Variants in CSMD3 observed in about 807,000 individuals in gnomAD.
CSMD3 encodes the protein CUB and Sushi multiple domains 3.
CSMD3 carries 177 observed loss-of-function variants against 435.2 expected under a neutral mutation model. The observed-to-expected ratio is 0.41, with a 90% confidence interval of 0.36 to 0.46. The LOEUF (loss-of-function observed/expected upper bound fraction) is 0.46, where lower values mean the gene tolerates loss of function less well. Among genes scored for constraint, CSMD3 ranks in the 20% least tolerant of loss-of-function variants. CSMD3 has a pLI of 0.34. For synonymous variants in CSMD3, 1,656 were observed against 1,520.5 expected, an observed-to-expected ratio of 1.09 and a Z score of -2.07; for missense variants, 4,265 against 4,504.6, an observed-to-expected ratio of 0.95 and a Z score of 1.52.
At chr8:112,440,121 C>G (rs896157156) in intron 32 of CSMD3, among the ~76,000 whole-genome samples, 3 of 152,152 alleles carry the variant, frequency 2.0e-5, no homozygotes, top group African/African-American at 7.2e-5. Context: ...CCTGTAAAAT[C>G]AAAAGCAAAT....
chr8:113,185,966 C>G (rs1326290052), intron 3 of CSMD3, among the ~76,000 whole-genome samples: 1 of 152,006 alleles, frequency 6.6e-6, no homozygotes, highest in African/African-American at 2.4e-5. Flanking sequence ...TGTCAGCACC[C>G]TCTGTCTCTC....
At chr8:112,949,863 C>G (rs1253838181) in intron 8 of CSMD3, among the ~76,000 whole-genome samples, 2 of 151,972 alleles carry the variant, frequency 1.3e-5, no homozygotes, top group Non-Finnish European at 2.9e-5. Context: ...CATACTGACT[C>G]CACACATTTG....
At chr8:112,915,458 A>G (rs566164782) in intron 10 of CSMD3, among the ~76,000 whole-genome samples, 8 of 151,988 alleles carry the variant, frequency 5.3e-5, no homozygotes, top group African/African-American at 1.7e-4. Context: ...TTACTAATAC[A>G]TTTTAAGAAT....
chr8:112,467,777 G>A (rs1202763876), intron 32 of CSMD3, among the ~76,000 whole-genome samples: 1 of 152,076 alleles, frequency 6.6e-6, no homozygotes, highest in Non-Finnish European at 1.5e-5. Flanking sequence ...TGAAGATGAC[G>A]TCAGAGATTG....
chr8:112,729,469 G>A (rs552141707), intron 13 of CSMD3, among the ~76,000 whole-genome samples: 14 of 152,164 alleles, frequency 9.2e-5, no homozygotes, highest in Admixed American at 4.6e-4. Flanking sequence ...AAATAATAGC[G>A]TTAAAAAGTG....
intron 32 of CSMD3, among the ~76,000 whole-genome samples, chr8:112,411,403 T>TATAA (rs1811334303): frequency 6.6e-6 from 1 of 151,904 alleles, no homozygotes; most frequent in African/African-American, 2.4e-5. Flanking sequence ...CTTGCCTTAT[T>TATAA]AAGCAATGAG....
At chr8:112,298,033 T>C (rs1291521595) in intron 53 of CSMD3, among the ~76,000 whole-genome samples, 2 of 138,306 alleles carry the variant, frequency 1.4e-5, no homozygotes, top group Non-Finnish European at 3.1e-5. Flanking sequence ...AATAGCACAT[T>C]CTATGCTAAA....
intron 11 of CSMD3, among the ~76,000 whole-genome samples, chr8:112,847,583 T>A (rs975208043): frequency 6.6e-6 from 1 of 152,158 alleles, no homozygotes; most frequent in African/African-American, 2.4e-5. Context: ...TAATTCCTTC[T>A]CTTGGGCCTG....
Position 112,337,656 on chromosome 8 carries a change from C to T in CSMD3, c.6728G>A (p.Gly2243Asp), listed in dbSNP as rs138226564. ...GFVIGNDFTV[G>D]QTISFECFPG... is the part of the protein sequence containing the mutation. ...GAAACATTCAAATGAAATGGTTTGA[C>T]CCACAGTAAAATCATTACCAATTAC... Residue 2243 changes from glycine to aspartate, a missense_variant, in exon 43 of 71, where the codon GGT (glycine) becomes GAT (aspartate). This residue lies in a region of CSMD3 where 3,255 missense variants were observed against 3,380.2 expected (regional missense o/e 0.96). Transcript: ENST00000297405. 740 of 1,613,518 alleles carry T rather than the reference C, an allele frequency of 4.6e-4. 8 individuals carry two copies. In the East Asian group the frequency reaches 0.014, roughly 31 times the overall value.
At chr8:112,921,838 T>A (rs2082753684) in intron 9 of CSMD3, 87 bp from the exon 10 acceptor site, 1 of 1,003,820 alleles carries the variant, frequency 1.0e-6, no homozygotes, top group Admixed American at 1.7e-5. Context: ...ATCCAATAGG[T>A]CAAATATGTA....
chr8:113,206,062 A>G (rs571972809), intron 3 of CSMD3, among the ~76,000 whole-genome samples: 1 of 152,200 alleles, frequency 6.6e-6, no homozygotes, highest in Admixed American at 6.6e-5. Flanking sequence ...TTTTTGCACT[A>G]CAAGGGTAGA....
chr8:112,456,113 C>A (rs1474502087), intron 32 of CSMD3, among the ~76,000 whole-genome samples: 1 of 150,814 alleles, frequency 6.6e-6, no homozygotes. Flanking sequence ...ATTTGGAAGC[C>A]GGAAAAAAAA....
At chr8:113,177,345 C>A (rs1404435158) in intron 3 of CSMD3, among the ~76,000 whole-genome samples, 2 of 151,912 alleles carry the variant, frequency 1.3e-5, no homozygotes, top group African/African-American at 2.4e-5. Flanking sequence ...ATCAGATGTA[C>A]ATGCAAGCTA....
intron 2 of CSMD3, among the ~76,000 whole-genome samples, chr8:113,292,142 T>C (rs974028485): frequency 1.3e-5 from 2 of 151,636 alleles, no homozygotes; most frequent in Non-Finnish European, 1.5e-5. Flanking sequence ...AGGGGACCCA[T>C]ATAACTCTGA....
chr8:113,066,301 G>A (rs1364667983), intron 5 of CSMD3, among the ~76,000 whole-genome samples: 2 of 151,904 alleles, frequency 1.3e-5, no homozygotes, highest in African/African-American at 4.8e-5. Flanking sequence ...GAGAAAAAGT[G>A]TTTTTGAATA....
At chr8:112,409,962 T>C (rs183811726) in intron 32 of CSMD3, among the ~76,000 whole-genome samples, 1 of 152,012 alleles carries the variant, frequency 6.6e-6, no homozygotes, top group East Asian at 1.9e-4. Flanking sequence ...CAAAGCAAGG[T>C]CACTTTTATA....
At chr8:112,361,557 A>G (rs1827206776) in intron 38 of CSMD3, among the ~76,000 whole-genome samples, 1 of 140,378 alleles carries the variant, frequency 7.1e-6, no homozygotes, top group African/African-American at 2.6e-5. Context: ...GTGTGTATGT[A>G]TATATATACA....
intron 16 of CSMD3, among the ~76,000 whole-genome samples, chr8:112,679,009 T>C (rs1396985478): frequency 2.0e-5 from 3 of 150,252 alleles, no homozygotes; most frequent in East Asian, 1.9e-4. Context: ...ACAGGAGGAG[T>C]AGCCTCCCAA....
Position 112,947,801 on chromosome 8 carries a change from T to A in CSMD3, c.1497A>T (p.Gly499=), listed in dbSNP as rs754493707. ...PGEPENGKRI[G]SDFSLGSTVQ... ...TTTTAAAATATTACCTAAAATCTGA[T>A]CCGATTCTCTTCCCATTTTCTGGTT... is the stretch of plus-strand genomic sequence containing the variant. The change falls in exon 9 of 71, where the codon GGA becomes GGT. Residue 499 remains glycine, a synonymous_variant. Transcript: ENST00000297405. 4.8e-5 allele frequency: 67 copies of A among 1,381,768 alleles called. No homozygotes were observed. Among genetic ancestry groups the A allele is most frequent in the Non-Finnish European group, 6.4e-5 (62 of 970,542 alleles). 85.6% of individuals were successfully genotyped at this position (1,381,768 alleles called of 1,614,324 possible).
Sources: allele counts gnomAD v4.1 joint callset (sites outside exome capture counted in the v4.1 genomes callset), GRCh38; gene constraint gnomAD v4.1.1; regional missense constraint gnomAD v4.1.1; transcripts MANE v1.5; gene names NCBI Gene and HGNC (gene_info 2026-07-23, HGNC 2026-07-21).